Variants in MSRA observed in about 807,000 individuals in gnomAD.
MSRA encodes the protein methionine sulfoxide reductase A.
In MSRA, 54 loss-of-function variants were observed where a neutral mutation model predicts 31.3. The observed-to-expected ratio is 1.73, with a 90% CI of 1.39 to 2.17. The LOEUF (loss-of-function observed/expected upper bound fraction) is 2.17, where lower values mean the gene tolerates loss of function less well. MSRA is among the 30% of genes most tolerant of loss of function. The pLI, the probability that MSRA is intolerant of heterozygous loss-of-function variation, is 0.00. For synonymous variants in MSRA, 169 were observed against 116.5 expected (o/e 1.45, Z -2.90); for missense variants, 507 against 300.9 (o/e 1.69, Z -5.07).
At chr8:10,342,021 G>A (rs1300609364) in intron 5 of MSRA, among the ~76,000 whole-genome samples, 1 of 152,182 alleles carries the variant, frequency 6.6e-6, no homozygotes, top group African/African-American at 2.4e-5. Context: ...TTAACTGTGA[G>A]GTCCTCATCT....
chr8:10,232,259 T>C (rs942953888), intron 2 of MSRA, among the ~76,000 whole-genome samples: 2 of 152,240 alleles, frequency 1.3e-5, no homozygotes, highest in African/African-American at 4.8e-5. Flanking sequence ...CCAGCCTCCC[T>C]GTTGGTTTCC....
At chr8:10,221,680 A>T (rs1347503887) in intron 2 of MSRA, among the ~76,000 whole-genome samples, 3 of 152,216 alleles carry the variant, frequency 2.0e-5, no homozygotes, top group African/African-American at 7.2e-5. Context: ...TAAATATGTA[A>T]AGCATATGGC....
At chr8:10,065,967 C>G (rs1203235454) in intron 1 of MSRA, among the ~76,000 whole-genome samples, 1 of 149,866 alleles carries the variant, frequency 6.7e-6, no homozygotes, top group South Asian at 2.1e-4. Flanking sequence ...ATGGCTGAAA[C>G]TTCAATTATA....
chr8:10,081,301 G>A (rs980601149), intron 1 of MSRA, among the ~76,000 whole-genome samples: 5 of 152,160 alleles, frequency 3.3e-5, no homozygotes, highest in African/African-American at 1.2e-4. Flanking sequence ...TATAACCCAC[G>A]TGCCATTTGG....
At chr8:10,356,886 C>G (rs1804539642) in intron 5 of MSRA, among the ~76,000 whole-genome samples, 1 of 123,890 alleles carries the variant, frequency 8.1e-6, no homozygotes, top group South Asian at 3.2e-4. Flanking sequence ...GAGCCTTGCC[C>G]ATTAAAAAAA....
At chr8:10,292,527 C>A (rs939988048) in intron 3 of MSRA, among the ~76,000 whole-genome samples, 1 of 152,250 alleles carries the variant, frequency 6.6e-6, no homozygotes, top group Non-Finnish European at 1.5e-5. Flanking sequence ...TCTGCCTGCT[C>A]CCTCCACCGT....
At chr8:10,130,229 A>C (rs1801800257) in intron 1 of MSRA, among the ~76,000 whole-genome samples, 1 of 152,164 alleles carries the variant, frequency 6.6e-6, no homozygotes, top group South Asian at 2.1e-4. Context: ...CTGTATACTG[A>C]CAGTGTGGAA....
At chr8:10,162,765 T>C (rs555898702) in intron 1 of MSRA, among the ~76,000 whole-genome samples, 1 of 152,304 alleles carries the variant, frequency 6.6e-6, no homozygotes, top group East Asian at 1.9e-4. Context: ...AGGTAGGCAC[T>C]GAAACCATTA....
intron 5 of MSRA, among the ~76,000 whole-genome samples, chr8:10,380,134 C>G (rs189994245): frequency 3.9e-5 from 6 of 152,210 alleles, no homozygotes; most frequent in African/African-American, 1.4e-4. Context: ...TCCTGCACAT[C>G]CCAGGCATAC....
At chr8:10,278,275 C>T (rs1346867030) in intron 3 of MSRA, among the ~76,000 whole-genome samples, 1 of 152,092 alleles carries the variant, frequency 6.6e-6, no homozygotes, top group Non-Finnish European at 1.5e-5. Flanking sequence ...TGCATAAATT[C>T]CTTTACAACA....
At chr8:10,279,570 A>C (rs145337603) in intron 3 of MSRA, among the ~76,000 whole-genome samples, 13 of 152,286 alleles carry the variant, frequency 8.5e-5, no homozygotes, top group South Asian at 4.2e-4. Context: ...GTTATATCAA[A>C]AACTTTTTTC....
chr8:10,396,315 A>C (rs1190096847), intron 5 of MSRA, among the ~76,000 whole-genome samples: 2 of 152,106 alleles, frequency 1.3e-5, no homozygotes, highest in Non-Finnish European at 2.9e-5. Context: ...TTTTATTTAC[A>C]CACTGAGTGG....
intron 3 of MSRA, among the ~76,000 whole-genome samples, chr8:10,282,660 A>G (rs1228319012): frequency 6.6e-6 from 1 of 152,174 alleles, no homozygotes; most frequent in African/African-American, 2.4e-5. Context: ...AGCTGAGCAT[A>G]AAGCAGGAAG....
intron 4 of MSRA, among the ~76,000 whole-genome samples, chr8:10,316,527 C>CTCTCTCTCT (rs1801726307): frequency 2.6e-4 from 29 of 112,632 alleles, no homozygotes; most frequent in African/African-American, 7.4e-4. Flanking sequence ...TTTGATGATC[C>CTCTCTCTCT]CTCTCTCTCT....
intron 1 of MSRA, among the ~76,000 whole-genome samples, chr8:10,113,517 G>A (rs1800453051): frequency 6.6e-6 from 1 of 151,342 alleles, no homozygotes; most frequent in Non-Finnish European, 1.5e-5. Flanking sequence ...TGGGATGTTG[G>A]GGAAGTTTTC....
chr8:10,187,400 G>A (rs1030213005), intron 1 of MSRA, among the ~76,000 whole-genome samples: 1 of 152,164 alleles, frequency 6.6e-6, no homozygotes, highest in African/African-American at 2.4e-5. Context: ...ATTTACACCG[G>A]TACCCAAGCT....
Position 10,187,537 on chromosome 8 carries a change from G to A in MSRA, c.143-20296G>A, listed in dbSNP as rs75717232. 4.6e-3 allele frequency among the ~76,000 whole-genome samples: 696 copies of A among 152,234 alleles called. 11 individuals are homozygous for A. The highest frequency in any genetic ancestry group is 0.016 in the African/African-American group (667 of 41,542). Reference sequence around the variant, plus strand: ...TTTCAAAAATCGTTCCACAGCCCAAGGCAACATTGACTTAATACATTTCTC... The same window carrying A: ...TTTCAAAAATCGTTCCACAGCCCAAAGCAACATTGACTTAATACATTTCTC... On this transcript the variant is annotated intron_variant, in intron 1 of 5. Coordinates refer to ENST00000317173, the MANE Select transcript of MSRA (RefSeq NM_012331.5).
chr8:10,088,458 G>A (rs1798681875), intron 1 of MSRA, among the ~76,000 whole-genome samples: 1 of 152,112 alleles, frequency 6.6e-6, no homozygotes, highest in Non-Finnish European at 1.5e-5. Flanking sequence ...GAACTGGCCA[G>A]GCGTGGTGGC....
At chr8:10,248,384 G>C (rs1001990586) in intron 3 of MSRA, among the ~76,000 whole-genome samples, 4 of 152,192 alleles carry the variant, frequency 2.6e-5, no homozygotes, top group Admixed American at 2.6e-4. Context: ...GGGGTTAACA[G>C]AATCCACAGG....
Sources: allele counts gnomAD v4.1 joint callset (sites outside exome capture counted in the v4.1 genomes callset), GRCh38; gene constraint gnomAD v4.1.1; transcripts MANE v1.5; gene names NCBI Gene and HGNC (gene_info 2026-07-23, HGNC 2026-07-21).